Variants in TIMD4 observed in about 807,000 individuals in gnomAD.
TIMD4 encodes T cell immunoglobulin and mucin domain containing 4.
TIMD4 carries 31 observed loss-of-function variants against 41.2 expected under a neutral mutation model. The observed-to-expected ratio is 0.75, with a 90% CI of 0.57 to 1.01. TIMD4 has a LOEUF of 1.01. Among genes scored for constraint, TIMD4 ranks in the 50% least tolerant of loss-of-function variants. The pLI is 0.00. For synonymous variants in TIMD4, 204 were observed against 177.1 expected (o/e 1.15, Z -1.21); for missense variants, 479 against 472.5 (o/e 1.01, Z -0.13).
chr5:156,957,845 G>T (rs915715799), intron 1 of TIMD4, among the ~76,000 whole-genome samples: 2 of 151,876 alleles, frequency 1.3e-5, no homozygotes, highest in Non-Finnish European at 2.9e-5. Context: ...AAAGAAAAAA[G>T]AAAAAATAGA....
intron 1 of TIMD4, among the ~76,000 whole-genome samples, chr5:156,959,541 C>T (rs1215688679): frequency 6.6e-6 from 1 of 152,178 alleles, no homozygotes; most frequent in Non-Finnish European, 1.5e-5. Context: ...TTCTGTGGAG[C>T]TACCTGGAAT....
At chr5:156,941,322 A>C (rs905281446) in intron 5 of TIMD4, among the ~76,000 whole-genome samples, 7 of 152,208 alleles carry the variant, frequency 4.6e-5, no homozygotes, top group Non-Finnish European at 7.3e-5. Context: ...AAATACTAAA[A>C]AAAATTAAAA....
At chr5:156,937,048 C>T (rs1313985777) in intron 5 of TIMD4, among the ~76,000 whole-genome samples, 1 of 151,632 alleles carries the variant, frequency 6.6e-6, no homozygotes, top group Non-Finnish European at 1.5e-5. Flanking sequence ...ATTGTGAGTA[C>T]AATGTAAGCA....
At chr5:156,936,926 C>T (rs1462547524) in intron 5 of TIMD4, among the ~76,000 whole-genome samples, 24 of 136,802 alleles carry the variant, frequency 1.8e-4, no homozygotes, top group South Asian at 6.8e-4. Flanking sequence ...AGCGAGACTC[C>T]GTCTGGAAAA....
At chr5:156,939,904 C>A (rs1484583092) in intron 5 of TIMD4, among the ~76,000 whole-genome samples, 2 of 152,192 alleles carry the variant, frequency 1.3e-5, no homozygotes, top group African/African-American at 4.8e-5. Context: ...AGCAATTTTT[C>A]CTAAAACAAC....
intron 5 of TIMD4, among the ~76,000 whole-genome samples, chr5:156,942,629 T>A (rs970274607): frequency 6.6e-6 from 1 of 152,218 alleles, no homozygotes; most frequent in Non-Finnish European, 1.5e-5. Flanking sequence ...CCACACTAAG[T>A]AGGGCTTCTT....
At chr5:156,934,794 A>T (rs1361107894) in intron 5 of TIMD4, among the ~76,000 whole-genome samples, 1 of 152,200 alleles carries the variant, frequency 6.6e-6, no homozygotes, top group African/African-American at 2.4e-5. Flanking sequence ...AAATTCTCGA[A>T]TGAGTGAGCT....
intron 5 of TIMD4, among the ~76,000 whole-genome samples, chr5:156,933,198 A>T (rs938234904): frequency 1.3e-5 from 2 of 152,158 alleles, no homozygotes; most frequent in Non-Finnish European, 2.9e-5. Flanking sequence ...TTTGTGAAAA[A>T]CAATAATCTA....
intron 5 of TIMD4, among the ~76,000 whole-genome samples, chr5:156,945,378 C>T (rs1759721253): frequency 6.6e-6 from 1 of 152,196 alleles, no homozygotes; most frequent in South Asian, 2.1e-4. Flanking sequence ...TAAAACAAGG[C>T]AGACCTACAA....
intron 5 of TIMD4, among the ~76,000 whole-genome samples, chr5:156,928,747 CA>C (rs927734389): frequency 2.0e-5 from 3 of 152,144 alleles, no homozygotes; most frequent in African/African-American, 7.2e-5. Flanking sequence ...AGGGGAAATT[CA>C]GCATGTTTTC....
chr5:156,960,558 C>T (rs1235159110), intron 1 of TIMD4, among the ~76,000 whole-genome samples: 4 of 152,120 alleles, frequency 2.6e-5, no homozygotes, highest in African/African-American at 9.7e-5. Flanking sequence ...AGGCACATGT[C>T]ACCACGCCTG....
chr5:156,954,660 A>G lies in TIMD4; in HGVS notation c.155T>C (p.Met52Thr), dbSNP rs758674637. ...YSSWSHNSNSMCWGKDQCPYS... is the reference protein window; with the variant it reads ...YSSWSHNSNSTCWGKDQCPYS... ...GGGGCACTGGTCTTTCCCCCAGCAC[A>G]TGCTGTTGCTGTTGTGAGACCAGGA... Residue 52 changes from methionine to threonine, a missense_variant, in exon 2 of 9, where the codon ATG (methionine) becomes ACG (threonine). Physicochemically the swap from Met to Thr is moderately conservative, Grantham distance 81 (BLOSUM62 -1). Coordinates refer to ENST00000274532, the MANE Select transcript of TIMD4 (RefSeq NM_138379.3). The G allele has an allele frequency of 3.7e-6, 6 of 1,614,228 alleles. No homozygotes were observed. Among genetic ancestry groups the G allele is most frequent in the Non-Finnish European group, 5.1e-6 (6 of 1,180,036 alleles).
At chr5:156,930,024 G>A (rs1759418146) in intron 5 of TIMD4, among the ~76,000 whole-genome samples, 1 of 152,172 alleles carries the variant, frequency 6.6e-6, no homozygotes, top group Non-Finnish European at 1.5e-5. Context: ...AGGCTGCAGT[G>A]CAGTGGCACG....
chr5:156,922,070 T>C, intron 7 of TIMD4, 29 bp downstream of exon 7: 1 of 1,573,778 alleles, frequency 6.4e-7, no homozygotes, highest in Non-Finnish European at 8.7e-7. Flanking sequence ...GGTTCTGAAG[T>C]GCTCCATCAC....
Position 156,926,300 on chromosome 5 carries a change from G to C in TIMD4, c.857C>G (p.Ala286Gly). 6.2e-7 allele frequency: 1 copy of C among 1,613,520 alleles called. No homozygotes were observed. Among genetic ancestry groups the C allele is most frequent in the Non-Finnish European group, 8.5e-7 (1 of 1,179,618 alleles). The change falls in exon 6 of 9, where the codon GCA (alanine) becomes GGA (glycine). Residue 286 changes from alanine to glycine, a missense_variant. Coordinates refer to ENST00000274532, the MANE Select transcript of TIMD4 (RefSeq NM_138379.3). ...SSPQPGASDT[A>G]VPEQNKTTKT... ...TGTTGTTTTGTTCTGCTCAGGAACT[G>C]CTGTATCAGATGCTGGGAAGGAAAA...
At position 156,926,397 on chromosome 5, in the gene TIMD4, T is replaced by A. The variant is rs182722608; in HGVS notation, c.845-85A>T. On this transcript the variant is annotated intron_variant, in intron 5 of 8. Transcript: ENST00000274532. ...CCTGAAATAGGTAATTAAGAGTCCA[T>A]CTGGAACTGCAGCTGATGTGTTTAA... 6.8e-4 allele frequency: 914 copies of A among 1,334,310 alleles called. 9 individuals are homozygous for A. The African/African-American group carries it at 0.011, about 16-fold the overall frequency. The allele number at this position is 1,334,310 out of a possible 1,614,324, so 82.7% of individuals were successfully genotyped here.
In TIMD4 at chr5:156,949,646, C is replaced by T. The variant is rs1437386757; in HGVS notation, c.760+5G>A. ...GGAGGACAGAGAGAGTGAGTGTCTG[C>T]ACACCTTTGGATGTCAGCAGGACAG... On this transcript the variant is annotated splice_donor_5th_base_variant and intron_variant, in intron 4 of 8. Transcript: ENST00000274532. 34 of 1,608,288 alleles carry T rather than the reference C, an allele frequency of 2.1e-5. No individual in the cohort carries two copies. The highest frequency in any genetic ancestry group is 2.8e-5 in the Non-Finnish European group (33 of 1,174,950).
In TIMD4 at chr5:156,945,872, A is replaced by G. The variant is rs1023136468; in HGVS notation, c.844+2544T>C. Among the ~76,000 whole-genome samples the G allele has an allele frequency of 2.0e-5, 3 of 152,320 alleles. No homozygotes were observed. The East Asian group carries it at 5.8e-4, about 29-fold the overall frequency. On this transcript the variant is annotated intron_variant, in intron 5 of 8. Transcript: ENST00000274532. ...TAAAACAAAAATATGAGCATCTGCT[A>G]ACGAGGGATTAAATGAAGTGGCCCA...
intron 1 of TIMD4, among the ~76,000 whole-genome samples, chr5:156,960,395 T>C (rs1194646235): frequency 1.3e-5 from 2 of 151,442 alleles, no homozygotes; most frequent in Non-Finnish European, 2.9e-5. Context: ...AGATTGTTTT[T>C]TTCTTCCCCC....
Sources: gnomAD v4.1 joint callset for allele counts (sites outside exome capture counted in the v4.1 genomes callset) on GRCh38, gnomAD v4.1.1 for gene constraint, MANE v1.5 for transcripts, NCBI Gene and HGNC (gene_info 2026-07-23, HGNC 2026-07-21) for gene names.